Variants in MDGA2 observed in about 807,000 individuals in gnomAD.
MDGA2 encodes MAM domain-containing glycosylphosphatidylinositol anchor protein 2.
A neutral mutation model predicts 117.8 loss-of-function variants in MDGA2; 40 were observed. The ratio of observed to expected loss-of-function variants is 0.34; its 90% confidence interval spans 0.26 to 0.44. The LOEUF is 0.44. Ranked by LOEUF, MDGA2 falls within the 20% of genes least tolerant of loss-of-function variation. The pLI is 1.00. For synonymous variants in MDGA2, 452 were observed against 439.0 expected (o/e 1.03, Z -0.37); for missense variants, 1,123 against 1,250.6 (o/e 0.90, Z 1.54).
intron 1 of MDGA2, among the ~76,000 whole-genome samples, chr14:47,518,480 A>G (rs1566495321): frequency 6.6e-6 from 1 of 152,238 alleles, no homozygotes. Context: ...CAAAACATTA[A>G]GCTTTTTATT....
intron 2 of MDGA2, among the ~76,000 whole-genome samples, chr14:47,273,794 C>T (rs1376339161): frequency 6.6e-6 from 1 of 152,062 alleles, no homozygotes; most frequent in African/African-American, 2.4e-5. Flanking sequence ...CAGTTGTATG[C>T]TCCCTATGCA....
At chr14:47,053,648 TATATATACAC>T (rs1889550986) in intron 7 of MDGA2, among the ~76,000 whole-genome samples, 11 of 42,226 alleles carry the variant, frequency 2.6e-4, no homozygotes, top group Non-Finnish European at 3.2e-4. Flanking sequence ...TATATATATA[TATATATACAC>T]ACACACACAC....
intron 3 of MDGA2, among the ~76,000 whole-genome samples, chr14:47,195,351 G>A (rs1885252133): frequency 6.6e-6 from 1 of 151,800 alleles, no homozygotes; most frequent in Non-Finnish European, 1.5e-5. Context: ...AATCTCCAAG[G>A]AGCACTTTTA....
At chr14:47,665,944 G>A (rs564285055) in intron 1 of MDGA2, among the ~76,000 whole-genome samples, 105 of 151,662 alleles carry the variant, frequency 6.9e-4, no homozygotes, top group Non-Finnish European at 1.0e-3. Flanking sequence ...TGAGGAGTGC[G>A]GGCGCACCAC....
intron 1 of MDGA2, among the ~76,000 whole-genome samples, chr14:47,563,189 C>T (rs1442307148): frequency 6.6e-6 from 1 of 151,982 alleles, no homozygotes; most frequent in Non-Finnish European, 1.5e-5. Context: ...GTGTTATGTG[C>T]AGATAAGAGG....
chr14:47,173,999 T>C (rs1884313019), intron 3 of MDGA2, among the ~76,000 whole-genome samples: 1 of 152,284 alleles, frequency 6.6e-6, no homozygotes, highest in Middle Eastern at 3.4e-3. Context: ...GTTGCAATAC[T>C]AGTCTCTGAT....
At chr14:47,457,035 G>A (rs1893369839) in intron 1 of MDGA2, among the ~76,000 whole-genome samples, 1 of 152,260 alleles carries the variant, frequency 6.6e-6, no homozygotes, top group African/African-American at 2.4e-5. Flanking sequence ...TGGTGTTAGA[G>A]AGAATAATGA....
chr14:47,268,078 T>C (rs1888024039), intron 2 of MDGA2, among the ~76,000 whole-genome samples: 1 of 150,954 alleles, frequency 6.6e-6, no homozygotes, highest in Non-Finnish European at 1.5e-5. Flanking sequence ...TTTTCTTCTT[T>C]TTTTTTTTTT....
chr14:47,046,559 C>G (rs945386485), intron 7 of MDGA2, among the ~76,000 whole-genome samples: 7 of 151,002 alleles, frequency 4.6e-5, no homozygotes, highest in African/African-American at 1.7e-4. Flanking sequence ...ATGTAACAAA[C>G]CTGCATGTTG....
At chr14:47,612,773 T>C (rs1295823250) in intron 1 of MDGA2, among the ~76,000 whole-genome samples, 1 of 152,194 alleles carries the variant, frequency 6.6e-6, no homozygotes, top group Admixed American at 6.5e-5. Flanking sequence ...AAATTAAGTG[T>C]ACTTTATACA....
intron 1 of MDGA2, among the ~76,000 whole-genome samples, chr14:47,671,837 T>C (rs545869219): frequency 6.6e-6 from 1 of 152,354 alleles, no homozygotes; most frequent in Non-Finnish European, 1.5e-5. Flanking sequence ...TTCCTTTTTT[T>C]GATAAATTTA....
At chr14:47,304,025 T>C (rs1319068218) in intron 1 of MDGA2, among the ~76,000 whole-genome samples, 1 of 152,200 alleles carries the variant, frequency 6.6e-6, no homozygotes, top group East Asian at 1.9e-4. Context: ...ATTGCCTGCA[T>C]ACTGCAGTCA....
chr14:47,486,004 G>C (rs538731196), intron 1 of MDGA2, among the ~76,000 whole-genome samples: 4 of 152,298 alleles, frequency 2.6e-5, no homozygotes, highest in African/African-American at 9.6e-5. Context: ...CCCTAGTGAG[G>C]CACTGCCTAG....
At chr14:47,501,392 A>G (rs1316089709) in intron 1 of MDGA2, among the ~76,000 whole-genome samples, 1 of 152,224 alleles carries the variant, frequency 6.6e-6, no homozygotes, top group African/African-American at 2.4e-5. Context: ...ATCTACTAAG[A>G]TATTTTAGAG....
chr14:47,370,431 T>C (rs1891321580), intron 1 of MDGA2, among the ~76,000 whole-genome samples: 1 of 145,324 alleles, frequency 6.9e-6, no homozygotes, highest in Non-Finnish European at 1.5e-5. Flanking sequence ...GACCTGTATC[T>C]GAATATCTGA....
chr14:47,067,104 A>G (rs1455315751), intron 6 of MDGA2, among the ~76,000 whole-genome samples: 1 of 152,224 alleles, frequency 6.6e-6, no homozygotes, highest in Non-Finnish European at 1.5e-5. Context: ...AACAAGAGCA[A>G]AACTCCACCA....
chr14:47,096,944 T>C lies in MDGA2; in HGVS notation c.1105A>G (p.Ile369Val), dbSNP rs1398802495. The C allele has an allele frequency of 6.2e-7, 1 of 1,613,214 alleles. No homozygotes were observed. The highest frequency in any genetic ancestry group is 8.5e-7 in the Non-Finnish European group (1 of 1,179,478). ...TAAGTACCAGCATCATCTGAGGTGATGGCAGGTATGGTCAAAGTTCCTCCA... is the reference window on the plus strand; with the variant it reads ...TAAGTACCAGCATCATCTGAGGTGACGGCAGGTATGGTCAAAGTTCCTCCA... ...LNGGTLTIPA[I>V]TSDDAGTYSC... is the part of the protein sequence containing the mutation. The change falls in exon 6 of 17, where the codon ATC (isoleucine) becomes GTC (valine). Residue 369 changes from isoleucine to valine, a missense_variant. Ile to Val is a conservative substitution (Grantham distance 29). This residue lies in a region of MDGA2 where 890 missense variants were observed against 1,050.3 expected (regional missense o/e 0.85). Coordinates refer to ENST00000399232, the MANE Select transcript of MDGA2 (RefSeq NM_001113498.3).
chr14:46,962,121 G>A (rs1481349665), intron 8 of MDGA2, among the ~76,000 whole-genome samples: 1 of 152,148 alleles, frequency 6.6e-6, no homozygotes, highest in Non-Finnish European at 1.5e-5. Flanking sequence ...TTTCTCCAGA[G>A]AAAATTTGTG....
At chr14:47,218,280 G>A in intron 2 of MDGA2, 85 bp from the exon 3 acceptor site, 1 of 1,138,652 alleles carries the variant, frequency 8.8e-7, no homozygotes, top group Non-Finnish European at 1.2e-6. Flanking sequence ...TGAAGAGTTT[G>A]CATTTAGAGC....
Sources: gnomAD v4.1 joint callset for allele counts (sites outside exome capture counted in the v4.1 genomes callset) on GRCh38, gnomAD v4.1.1 for gene constraint, gnomAD v4.1.1 regional missense constraint, MANE v1.5 for transcripts, NCBI Gene and HGNC (gene_info 2026-07-23, HGNC 2026-07-21) for gene names.